OR10H5: variants seen among roughly 807,000 people sequenced by gnomAD.
The protein encoded by OR10H5 is olfactory receptor 10H5.
Under a neutral mutation model 12.2 loss-of-function variants are expected in OR10H5, and 7 were observed. The ratio of observed to expected loss-of-function variants is 0.57; its 90% confidence interval spans 0.33 to 1.07. OR10H5 has a LOEUF of 1.07. Ranked by LOEUF, OR10H5 falls within the 50% of genes least tolerant of loss-of-function variation. The pLI, the probability that OR10H5 is intolerant of heterozygous loss-of-function variation, is 0.04. For missense variants in OR10H5, 346 were observed against 411.6 expected (o/e 0.84, Z 1.38); for synonymous variants, 159 against 175.1 (o/e 0.91, Z 0.73).
chr19:15,793,010 T>A (rs891460298), intron 1 of OR10H5, among the ~76,000 whole-genome samples: 1 of 152,168 alleles, frequency 6.6e-6, no homozygotes, highest in African/African-American at 2.4e-5. Context: ...GAATAATAAT[T>A]ATTATTTTTA....
chr19:15,799,133 T>G lies in OR10H5; in HGVS notation c.*4137T>G, dbSNP rs749428598. The G allele has an allele frequency of 5.3e-5, 8 of 152,182 alleles. No homozygotes were observed. The highest frequency in any genetic ancestry group is 7.3e-5 in the Non-Finnish European group (5 of 68,032). 9.4% of individuals were successfully genotyped at this position (152,182 alleles called of 1,614,324 possible). On this transcript the variant is annotated 3_prime_UTR_variant, in exon 2 of 2. Coordinates refer to ENST00000642092, the MANE Select transcript of OR10H5 (RefSeq NM_001004466.2). The stretch of plus-strand genomic sequence containing the variant: ...CTTCTGTTTCTCTTAGGATACAGTA[T>G]AGACTCTAGTGTGATCATCAGGGCT...
chr19:15,799,743 C>T lies in OR10H5; in HGVS notation c.*4747C>T, dbSNP rs1439606960. Reference sequence around the variant, plus strand: ...AGAGAGAGAGAAATAAGATCTCACTCTGTCACCCATGCTGGAGTGCAGTGG... The same window carrying T: ...AGAGAGAGAGAAATAAGATCTCACTTTGTCACCCATGCTGGAGTGCAGTGG... On this transcript the variant is annotated 3_prime_UTR_variant, in exon 2 of 2. Coordinates refer to ENST00000642092, the MANE Select transcript of OR10H5 (RefSeq NM_001004466.2). The T allele has an allele frequency of 6.7e-6, 1 of 149,834 alleles. No homozygotes were observed. The highest frequency in any genetic ancestry group is 1.9e-4 in the East Asian group (1 of 5,166). The allele number at this position is 149,834 out of a possible 1,614,324, so 9.3% of individuals were successfully genotyped here.
At chr19:15,793,259 A>G (rs1469452047) in intron 1 of OR10H5, among the ~76,000 whole-genome samples, 1 of 152,118 alleles carries the variant, frequency 6.6e-6, no homozygotes, top group Non-Finnish European at 1.5e-5. Context: ...AGCCAGGACC[A>G]CAGACATGCA....
intron 1 of OR10H5, 57 bp from the exon 2 acceptor site, chr19:15,793,981 A>G: frequency 6.9e-7 from 1 of 1,455,276 alleles, no homozygotes; most frequent in Non-Finnish European, 9.4e-7. Context: ...GGTGGGAGTC[A>G]CTAGACACCC....
At chr19:15,790,571 C>T (rs557651384) in intron 1 of OR10H5, among the ~76,000 whole-genome samples, 29 of 151,990 alleles carry the variant, frequency 1.9e-4, no homozygotes, top group East Asian at 1.6e-3. Flanking sequence ...TGGTAAGCAC[C>T]GTGGGCTGAG....
In OR10H5 at chr19:15,794,053, A is replaced by G. The variant is rs562212979; in HGVS notation, c.5A>G (p.Gln2Arg). The G allele has an allele frequency of 6.2e-7, 1 of 1,610,740 alleles. No homozygotes were observed. The highest frequency in any genetic ancestry group is 8.5e-7 in the Non-Finnish European group (1 of 1,177,744). ...CACCAACTAGGGGTGGCCGCCATGC[A>G]GGGGCTAAACCACACCTCCGTGTCT... Reference protein sequence around the residue: MQGLNHTSVSEF... With the variant: MRGLNHTSVSEF... The change falls in exon 2 of 2, where the codon CAG becomes CGG. Residue 2 changes from glutamine (Q) to arginine (R), a missense_variant. Gln to Arg is a conservative substitution (Grantham distance 43). Coordinates refer to ENST00000642092, the MANE Select transcript of OR10H5 (RefSeq NM_001004466.2).
At chr19:15,788,295 C>A (rs1368416975) in intron 1 of OR10H5, among the ~76,000 whole-genome samples, 3 of 152,130 alleles carry the variant, frequency 2.0e-5, no homozygotes, top group African/African-American at 7.2e-5. Context: ...GCTACTCTCC[C>A]TCTGAAGATT....
At chr19:15,794,016 C>T (rs1456270077) in intron 1 of OR10H5, 22 bp from the exon 2 acceptor site, 1 of 1,584,060 alleles carries the variant, frequency 6.3e-7, no homozygotes, top group South Asian at 1.2e-5. Flanking sequence ...ACTGGGTCTT[C>T]TTTCCTCTCT....
At chr19:15,792,488 C>G (rs1234134367) in intron 1 of OR10H5, among the ~76,000 whole-genome samples, 6 of 152,148 alleles carry the variant, frequency 3.9e-5, no homozygotes, top group Admixed American at 3.9e-4. Context: ...ATTTTTGAGA[C>G]AGGGTCTCAC....
At chr19:15,793,020 A>G (rs2088816252) in intron 1 of OR10H5, among the ~76,000 whole-genome samples, 1 of 152,194 alleles carries the variant, frequency 6.6e-6, no homozygotes, top group South Asian at 2.1e-4. Context: ...TATTATTTTT[A>G]TCAGTATTAC....
intron 1 of OR10H5, among the ~76,000 whole-genome samples, chr19:15,788,285 G>T (rs1302249268): frequency 6.6e-6 from 1 of 152,180 alleles, no homozygotes; most frequent in African/African-American, 2.4e-5. Context: ...CGTCTACAAA[G>T]CTACTCTCCC....
In OR10H5 at chr19:15,794,881, C is replaced by T. The variant is rs767388596; in HGVS notation, c.833C>T (p.Thr278Ile). The change falls in exon 2 of 2, where the codon ACC (threonine) becomes ATC (isoleucine). Residue 278 changes from threonine to isoleucine, a missense_variant. Thr to Ile is a moderately conservative substitution (Grantham distance 89). Coordinates refer to ENST00000642092, the MANE Select transcript of OR10H5 (RefSeq NM_001004466.2). ...SPEGDTLMGI[T>I]YTVLTPFLSP... Reference sequence around the variant, plus strand: ...GAAGGAGACACCTTGATGGGCATCACCTACACGGTCCTCACACCCTTCCTC... The same window carrying T: ...GAAGGAGACACCTTGATGGGCATCATCTACACGGTCCTCACACCCTTCCTC... 3 of 1,614,038 alleles carry T rather than the reference C, an allele frequency of 1.9e-6. No homozygotes were observed. In the African/African-American group the frequency reaches 4.0e-5, roughly 22 times the overall value.
At chr19:15,790,243 G>A (rs1055416478) in intron 1 of OR10H5, among the ~76,000 whole-genome samples, 5 of 152,188 alleles carry the variant, frequency 3.3e-5, no homozygotes, top group Admixed American at 2.0e-4. Flanking sequence ...TCTGGAATGG[G>A]GTTGAAGTCC....
At chr19:15,790,390 GC>G (rs1330473921) in intron 1 of OR10H5, among the ~76,000 whole-genome samples, 1 of 152,202 alleles carries the variant, frequency 6.6e-6, no homozygotes, top group Non-Finnish European at 1.5e-5. Flanking sequence ...TGTGTGCTAA[GC>G]ACTTGGCATC....
rs777276360 is a variant in OR10H5 at position 15,794,132 on chromosome 19, C to T, written c.84C>T (p.Phe28=). The T allele has an allele frequency of 1.4e-5, 22 of 1,614,076 alleles. 1 individual carries two copies. In the Admixed American group the frequency reaches 3.3e-4, roughly 24 times the overall value. ...SAFPHLQLML[F]LLFLLMYLFT... Reference sequence around the variant, plus strand: ...TCCCCCACCTCCAGCTGATGCTCTTCCTGCTGTTCCTGCTGATGTACCTGT... The same window carrying T: ...TCCCCCACCTCCAGCTGATGCTCTTTCTGCTGTTCCTGCTGATGTACCTGT... Residue 28 remains phenylalanine, a synonymous_variant, in exon 2 of 2, where the codon TTC becomes TTT. Transcript: ENST00000642092.
chr19:15,792,491 G>A (rs555099190), intron 1 of OR10H5, among the ~76,000 whole-genome samples: 1 of 151,920 alleles, frequency 6.6e-6, no homozygotes, highest in African/African-American at 2.4e-5. Flanking sequence ...TTTGAGACAG[G>A]GTCTCACTGT....
In OR10H5 at chr19:15,796,190, GA is replaced by G. The variant is rs1171097781; in HGVS notation, c.*1195del. 2 of 152,222 alleles carry G rather than the reference GA, an allele frequency of 1.3e-5. No homozygotes were observed. The highest frequency in any genetic ancestry group is 4.8e-5 in the African/African-American group (2 of 41,456). The allele number at this position is 152,222 out of a possible 1,614,324, so 9.4% of individuals were successfully genotyped here. A position where few individuals can be genotyped will look rare whatever the true frequency, so the allele number is the denominator to read the frequency against. On this transcript the variant is annotated 3_prime_UTR_variant, in exon 2 of 2. Coordinates refer to ENST00000642092, the MANE Select transcript of OR10H5 (RefSeq NM_001004466.2). The stretch of plus-strand genomic sequence containing the variant: ...ACCTATTCTTTAAATTAGAGCTGGG[GA>G]TAAGAAGTACACATTTCTCAGGGCC...
In OR10H5 at chr19:15,794,023, C is replaced by G; in HGVS notation, c.-11-15C>G. ...TCCTAACCACTGGGTCTTCTTTCCTCTCTCCACCAACTAGGGGTGGCCGCC... is the reference window on the plus strand; with the variant it reads ...TCCTAACCACTGGGTCTTCTTTCCTGTCTCCACCAACTAGGGGTGGCCGCC... On this transcript the variant is annotated splice_polypyrimidine_tract_variant and intron_variant, in intron 1 of 1. Coordinates refer to ENST00000642092, the MANE Select transcript of OR10H5 (RefSeq NM_001004466.2). 5.7e-6 allele frequency: 9 copies of G among 1,590,704 alleles called. No individual in the cohort carries two copies. In the South Asian group the frequency reaches 8.1e-5, roughly 14 times the overall value.
intron 1 of OR10H5, among the ~76,000 whole-genome samples, chr19:15,788,996 A>C (rs2088796989): frequency 6.6e-6 from 1 of 152,088 alleles, no homozygotes; most frequent in African/African-American, 2.4e-5. Flanking sequence ...TAAGCCTGGC[A>C]TACATTAGCT....
Sources: allele counts gnomAD v4.1 joint callset (sites outside exome capture counted in the v4.1 genomes callset), GRCh38; gene constraint gnomAD v4.1.1; transcripts MANE v1.5; gene names NCBI Gene and HGNC (gene_info 2026-07-23, HGNC 2026-07-21).